The following PLCH2 variants were observed in gnomAD, a reference collection of about 807,000 sequenced individuals.
The protein encoded by PLCH2 is 1-phosphatidylinositol 4,5-bisphosphate phosphodiesterase eta-2.
Under a neutral mutation model 134.7 loss-of-function variants are expected in PLCH2, and 98 were observed. The ratio of observed to expected loss-of-function variants is 0.73; its 90% confidence interval spans 0.62 to 0.86. The LOEUF is 0.86. PLCH2 is among the 40% of genes least tolerant of loss of function. PLCH2 has a pLI of 0.00. For synonymous variants in PLCH2, 974 were observed against 827.5 expected, an observed-to-expected ratio of 1.18 and a Z score of -3.04; for missense variants, 1,994 against 1,986.6, an observed-to-expected ratio of 1.00 and a Z score of -0.07.
At chr1:2,452,699 C>T (rs1309324135) in intron 2 of PLCH2, among the ~76,000 whole-genome samples, 1 of 152,206 alleles carries the variant, frequency 6.6e-6, no homozygotes, top group Non-Finnish European at 1.5e-5. Context: ...CTAGGGTTCC[C>T]CAACCAGAGG....
intron 2 of PLCH2, among the ~76,000 whole-genome samples, chr1:2,434,344 G>C (rs928372891): frequency 6.6e-6 from 1 of 152,182 alleles, no homozygotes; most frequent in South Asian, 2.1e-4. Context: ...CTGGGAAGGT[G>C]GCCCCAGCTC....
At chr1:2,426,631 C>T (rs544968154) in intron 1 of PLCH2, among the ~76,000 whole-genome samples, 24 of 152,376 alleles carry the variant, frequency 1.6e-4, no homozygotes, top group African/African-American at 5.3e-4. Flanking sequence ...TCCAGAGTGC[C>T]GGCGAGCTGG....
chr1:2,473,673 G>A (rs1641456657), upstream of PLCH2, among the ~76,000 whole-genome samples: 1 of 152,204 alleles, frequency 6.6e-6, no homozygotes, highest in Admixed American at 6.5e-5. Flanking sequence ...GGCCTCACAG[G>A]GACAGAGCAG....
chr1:2,487,801 CAT>C lies in PLCH2; in HGVS notation c.1235+84_1235+85del, dbSNP rs568898968. 833 of 1,317,316 alleles carry C rather than the reference CAT, an allele frequency of 6.3e-4. 15 individuals are homozygous for C. In the South Asian group the frequency reaches 0.011, roughly 17 times the overall value. 81.6% of individuals were successfully genotyped at this position (1,317,316 alleles called of 1,614,324 possible). A position where few individuals can be genotyped will look rare whatever the true frequency, so the allele number is the denominator to read the frequency against. Reference sequence around the variant, plus strand: ...GCTCTAGCTCTTCCTGCCACACCCACATGTCCTTTCTTTGGGAGCAGTGACTG... The same window carrying C: ...GCTCTAGCTCTTCCTGCCACACCCACGTCCTTTCTTTGGGAGCAGTGACTG... On this transcript the variant is annotated intron_variant, in intron 8 of 21. Transcript: ENST00000378486.
At chr1:2,462,093 A>ACCTGACACCCCCTCCG (rs1640833099) in intron 2 of PLCH2, among the ~76,000 whole-genome samples, 2 of 85,496 alleles carry the variant, frequency 2.3e-5, no homozygotes, top group Non-Finnish European at 4.6e-5. Flanking sequence ...ACAACCCTCC[A>ACCTGACACCCCCTCCG]CCTGACACCC....
At chr1:2,449,094 T>G (rs1457188994) in intron 2 of PLCH2, among the ~76,000 whole-genome samples, 1 of 151,812 alleles carries the variant, frequency 6.6e-6, no homozygotes, top group Non-Finnish European at 1.5e-5. Flanking sequence ...CTGTAGCAGC[T>G]TCACATCCCC....
rs1188258994 is a variant in PLCH2 at position 2,478,555 on chromosome 1, C to T, written c.204C>T (p.Phe68=). 3.7e-6 allele frequency: 6 copies of T among 1,612,660 alleles called. No individual in the cohort carries two copies. The highest frequency in any genetic ancestry group is 5.1e-6 in the Non-Finnish European group (6 of 1,179,784). ...GCGGCTCCAAGGGCCTGGTCCGCTT[C>T]TACTACCTGGACGAGCACCGCTCCT... ...LRGGSKGLVR[F]YYLDEHRSCI... Residue 68 remains phenylalanine (F), a synonymous_variant, in exon 2 of 22, where the codon TTC becomes TTT. Transcript: ENST00000378486.
chr1:2,478,526 C>T lies in PLCH2; in HGVS notation c.175C>T (p.Arg59Cys), dbSNP rs372398573. The change falls in exon 2 of 22, where the codon CGT becomes TGT. Residue 59 changes from arginine (R) to cysteine (C), a missense_variant. Transcript: ENST00000378486. ...MQEGMQMVKL[R>C]GGSKGLVRFY... ...AGAGGGGATGCAGATGGTGAAGCTG[C>T]GTGGCGGCTCCAAGGGCCTGGTCCG... is the stretch of plus-strand genomic sequence containing the variant. 5.6e-6 allele frequency: 9 copies of T among 1,612,852 alleles called. No individual in the cohort carries two copies. The highest frequency in any genetic ancestry group is 7.6e-6 in the Non-Finnish European group (9 of 1,179,766).
At chr1:2,494,977 C>T (rs373654470) in intron 12 of PLCH2, 29 bp downstream of exon 12, 16 of 1,481,200 alleles carry the variant, frequency 1.1e-5, no homozygotes, top group East Asian at 9.4e-5. Context: ...GCCAGGGTCC[C>T]GGTCTGGGCC....
chr1:2,464,182 G>A (rs1030962248), upstream of PLCH2, among the ~76,000 whole-genome samples: 14 of 152,208 alleles, frequency 9.2e-5, no homozygotes, highest in African/African-American at 2.9e-4. Flanking sequence ...GCTGTGGGAA[G>A]TCCTGGGGGT....
At chr1:2,440,953 C>G (rs1376283289) in intron 2 of PLCH2, among the ~76,000 whole-genome samples, 1 of 152,188 alleles carries the variant, frequency 6.6e-6, no homozygotes, top group African/African-American at 2.4e-5. Context: ...AGCTCCACAA[C>G]TGCCAAGATC....
upstream of PLCH2, among the ~76,000 whole-genome samples, chr1:2,465,813 G>A (rs935798767): frequency 3.9e-5 from 6 of 152,132 alleles, no homozygotes; most frequent in African/African-American, 1.4e-4. Context: ...ACCTGAACCT[G>A]GGTTTCACCG....
At chr1:2,443,659 C>T (rs966370224) in intron 2 of PLCH2, among the ~76,000 whole-genome samples, 1 of 149,794 alleles carries the variant, frequency 6.7e-6, no homozygotes, top group East Asian at 1.9e-4. Flanking sequence ...GCCTCCAGCC[C>T]GGTGCCCGCC....
intron 2 of PLCH2, among the ~76,000 whole-genome samples, chr1:2,452,501 G>A (rs1340287741): frequency 1.3e-5 from 2 of 152,190 alleles, no homozygotes; most frequent in East Asian, 1.9e-4. Flanking sequence ...CTTTGGGAGC[G>A]GCCACCGTGA....
At chr1:2,422,101 T>G (rs1222359626), upstream of PLCH2, among the ~76,000 whole-genome samples, 1 of 151,988 alleles carries the variant, frequency 6.6e-6, no homozygotes, top group Non-Finnish European at 1.5e-5. Flanking sequence ...AAACCATGTC[T>G]CTACTAAAAA....
In PLCH2 at chr1:2,498,793, G is replaced by A. The variant is rs1156783053; in HGVS notation, c.2399G>A (p.Cys800Tyr). Residue 800 changes from cysteine (C) to tyrosine (Y), a missense_variant, in exon 18 of 22, where the codon TGC becomes TAC. Physicochemically the swap from Cys to Tyr is radical, Grantham distance 194. Coordinates refer to ENST00000378486, the MANE Select transcript of PLCH2 (RefSeq NM_014638.4). The surrounding 1 kb of genome is among the most constrained non-coding windows in gnomAD (Gnocchi z 5.4). ...GAGATCATTGGGCTCCCTGTGGACTGCAGCAGGGAGCAGACCCGCGTGGTG... is the reference window on the plus strand; with the variant it reads ...GAGATCATTGGGCTCCCTGTGGACTACAGCAGGGAGCAGACCCGCGTGGTG... ...EVEIIGLPVD[C>Y]SREQTRVVDD... The A allele has an allele frequency of 6.2e-7, 1 of 1,610,884 alleles. No individual in the cohort carries two copies. Among genetic ancestry groups the A allele is most frequent in the Non-Finnish European group, 8.5e-7 (1 of 1,178,594 alleles).
chr1:2,433,161 C>T (rs527353244), intron 2 of PLCH2, among the ~76,000 whole-genome samples: 6 of 152,350 alleles, frequency 3.9e-5, no homozygotes, highest in African/African-American at 1.4e-4. Flanking sequence ...TGGGGGTCCT[C>T]CTTCCACTCT....
At chr1:2,478,987 G>A (rs929321586) in intron 2 of PLCH2, 2 of 258,396 alleles carry the variant, frequency 7.7e-6, no homozygotes, top group African/African-American at 2.2e-5. Flanking sequence ...GGGTATGGGT[G>A]CAAACAGTGG....
At chr1:2,425,669 G>A (rs907153592), upstream of PLCH2, among the ~76,000 whole-genome samples, 4 of 151,450 alleles carry the variant, frequency 2.6e-5, no homozygotes, top group Non-Finnish European at 5.9e-5. Context: ...ACGTACCACC[G>A]CGCCTGGCTA....
Sources: gnomAD v4.1 joint callset for allele counts (sites outside exome capture counted in the v4.1 genomes callset) on GRCh38, gnomAD v4.1.1 for gene constraint, Gnocchi (gnomAD v3.1) non-coding constraint, MANE v1.5 for transcripts, NCBI Gene and HGNC (gene_info 2026-07-23, HGNC 2026-07-21) for gene names.